The following RGS6 variants were observed in gnomAD, a reference collection of about 807,000 sequenced individuals.
The protein encoded by RGS6 is regulator of G-protein signaling 6.
A neutral mutation model predicts 78.5 loss-of-function variants in RGS6; 30 were observed. The observed-to-expected ratio is 0.38, with a 90% CI of 0.29 to 0.52. The LOEUF (loss-of-function observed/expected upper bound fraction) is 0.52. Among genes scored for constraint, RGS6 ranks in the 20% least tolerant of loss-of-function variants. The pLI is 0.85. For synonymous variants in RGS6, 206 were observed against 206.0 expected (o/e 1.00, Z 0.00); for missense variants, 495 against 609.7 (o/e 0.81, Z 1.98).
chr14:72,229,926 C>T (rs1159138699), intron 2 of RGS6, among the ~76,000 whole-genome samples: 1 of 152,180 alleles, frequency 6.6e-6, no homozygotes, highest in Non-Finnish European at 1.5e-5. Context: ...ACTGCAAAAC[C>T]CTACTGGAGA....
the RGS6 span, among the ~76,000 whole-genome samples, chr14:71,894,231 C>T: frequency 1.3e-5 from 2 of 152,070 alleles, no homozygotes; most frequent in South Asian, 2.1e-4. Context: ...AGGCATTCCT[C>T]GCCTCTCGAT....
intron 2 of RGS6, among the ~76,000 whole-genome samples, chr14:71,993,738 A>G (rs750751601): frequency 2.6e-5 from 4 of 152,158 alleles, no homozygotes; most frequent in Non-Finnish European, 5.9e-5. Context: ...TGTCATCTAG[A>G]GTCTAAGATG....
chr14:72,092,222 C>T (rs993395209), intron 2 of RGS6, among the ~76,000 whole-genome samples: 1 of 151,878 alleles, frequency 6.6e-6, no homozygotes, highest in Non-Finnish European at 1.5e-5. Flanking sequence ...TATGGGGTTT[C>T]ACCATGTTGG....
intron 3 of RGS6, among the ~76,000 whole-genome samples, chr14:72,370,689 T>C (rs890093850): frequency 9.9e-5 from 15 of 152,188 alleles, no homozygotes; most frequent in African/African-American, 3.4e-4. Flanking sequence ...ATTGGGACAG[T>C]ACCTGCAAGA....
chr14:72,265,208 A>G (rs2058832873), intron 2 of RGS6, among the ~76,000 whole-genome samples: 1 of 152,172 alleles, frequency 6.6e-6, no homozygotes, highest in Non-Finnish European at 1.5e-5. Context: ...GTGGTGTTAA[A>G]TTAGTGGGGT....
chr14:72,068,353 T>C (rs2094255508), intron 2 of RGS6, among the ~76,000 whole-genome samples: 1 of 152,058 alleles, frequency 6.6e-6, no homozygotes, highest in African/African-American at 2.4e-5. Flanking sequence ...CAGGCTGGTC[T>C]TGAACTTGTG....
intron 3 of RGS6, among the ~76,000 whole-genome samples, chr14:72,442,114 T>C (rs1285207842): frequency 1.3e-5 from 2 of 152,126 alleles, no homozygotes. Context: ...TCGGTTCTCT[T>C]TCTGCTTGAT....
chr14:72,194,025 G>A (rs1485692517), intron 2 of RGS6, among the ~76,000 whole-genome samples: 1 of 152,192 alleles, frequency 6.6e-6, no homozygotes, highest in African/African-American at 2.4e-5. Flanking sequence ...AATGAATGGA[G>A]TTGAGGGGCT....
the RGS6 span, among the ~76,000 whole-genome samples, chr14:72,617,351 C>G: frequency 2.6e-5 from 4 of 151,982 alleles, no homozygotes; most frequent in Admixed American, 2.6e-4. Flanking sequence ...AGACAGCCTG[C>G]TTTGGGTTTT....
At chr14:72,168,651 A>C (rs543634024) in intron 2 of RGS6, among the ~76,000 whole-genome samples, 1 of 152,172 alleles carries the variant, frequency 6.6e-6, no homozygotes, top group Non-Finnish European at 1.5e-5. Flanking sequence ...GTTTTTTTCT[A>C]ATATAGCTAC....
intron 2 of RGS6, among the ~76,000 whole-genome samples, chr14:72,316,550 T>C (rs1384930112): frequency 6.6e-6 from 1 of 152,232 alleles, no homozygotes; most frequent in African/African-American, 2.4e-5. Flanking sequence ...TCCATGTCCC[T>C]ACAAACGGCA....
At chr14:72,077,942 G>A (rs1428635974) in intron 2 of RGS6, among the ~76,000 whole-genome samples, 1 of 152,096 alleles carries the variant, frequency 6.6e-6, no homozygotes, top group Non-Finnish European at 1.5e-5. Context: ...CTCAAGAATA[G>A]TACCAAAATT....
chr14:72,331,785 T>G (rs1030431158), intron 2 of RGS6, among the ~76,000 whole-genome samples: 2 of 152,012 alleles, frequency 1.3e-5, no homozygotes, highest in African/African-American at 4.8e-5. Flanking sequence ...AGGGAAGGAG[T>G]GGCCAATTCA....
intron 3 of RGS6, among the ~76,000 whole-genome samples, chr14:72,375,655 C>G (rs902257603): frequency 6.6e-6 from 1 of 152,212 alleles, no homozygotes; most frequent in Non-Finnish European, 1.5e-5. Flanking sequence ...CATATGCCTC[C>G]AATCTGAGCA....
At chr14:72,105,846 T>C (rs2095622136) in intron 2 of RGS6, among the ~76,000 whole-genome samples, 1 of 152,198 alleles carries the variant, frequency 6.6e-6, no homozygotes, top group African/African-American at 2.4e-5. Flanking sequence ...AGTTGTTCTT[T>C]AAAAAGGAAA....
At chr14:71,941,872 A>G (rs778815921) in intron 1 of RGS6, among the ~76,000 whole-genome samples, 1 of 152,196 alleles carries the variant, frequency 6.6e-6, no homozygotes, top group South Asian at 2.1e-4. Context: ...AGTATTAACC[A>G]TCACAGTAAG....
intron 15 of RGS6, among the ~76,000 whole-genome samples, chr14:72,525,480 GA>G (rs1376244911): frequency 6.6e-6 from 1 of 152,186 alleles, no homozygotes; most frequent in Non-Finnish European, 1.5e-5. Flanking sequence ...AAAGAGCTGA[GA>G]AAGATACCGT....
the RGS6 span, among the ~76,000 whole-genome samples, chr14:72,590,129 C>T: frequency 6.6e-6 from 1 of 152,120 alleles, no homozygotes; most frequent in Non-Finnish European, 1.5e-5. Flanking sequence ...ATTAAAAAGG[C>T]CAACAATACC....
chr14:72,012,252 A>C (rs1011589726), intron 2 of RGS6, among the ~76,000 whole-genome samples: 1 of 152,222 alleles, frequency 6.6e-6, no homozygotes, highest in Admixed American at 6.5e-5. Context: ...CTGTGGTATG[A>C]CCACTCAGAG....
Sources: allele counts gnomAD v4.1 joint callset (sites outside exome capture counted in the v4.1 genomes callset), GRCh38; gene constraint gnomAD v4.1.1; transcripts MANE v1.5; gene names NCBI Gene and HGNC (gene_info 2026-07-23, HGNC 2026-07-21).